The following PLGRKT variants were observed in gnomAD, a reference collection of about 807,000 sequenced individuals.
PLGRKT encodes the protein plasminogen receptor (KT).
PLGRKT carries 22 observed loss-of-function variants against 18.5 expected under a neutral mutation model. That is an observed-to-expected ratio of 1.19 (90% CI 0.85 to 1.70). PLGRKT has a LOEUF of 1.70. Among genes scored for constraint, PLGRKT ranks in the 40% most tolerant of loss-of-function variants. PLGRKT has a pLI of 0.00. For missense variants in PLGRKT, 235 were observed against 174.4 expected (o/e 1.35, Z -1.96); for synonymous variants, 72 against 52.8 (o/e 1.36, Z -1.58).
At chr9:5,370,651 G>C (rs939683027) in intron 3 of PLGRKT, among the ~76,000 whole-genome samples, 4 of 152,112 alleles carry the variant, frequency 2.6e-5, no homozygotes, top group African/African-American at 9.7e-5. Context: ...AGGTCATGTA[G>C]ACCTGTTTTT....
chr9:5,410,845 C>T (rs1399936785), intron 3 of PLGRKT, among the ~76,000 whole-genome samples: 1 of 152,062 alleles, frequency 6.6e-6, no homozygotes, highest in Non-Finnish European at 1.5e-5. Flanking sequence ...AAAATTTTGT[C>T]TCCATTTTTT....
chr9:5,408,888 G>C (rs1033701776), intron 3 of PLGRKT, among the ~76,000 whole-genome samples: 1 of 152,230 alleles, frequency 6.6e-6, no homozygotes, highest in African/African-American at 2.4e-5. Context: ...ATACAGCTCA[G>C]ATACAGATAC....
At chr9:5,388,880 G>A (rs955520470) in intron 3 of PLGRKT, among the ~76,000 whole-genome samples, 1 of 152,008 alleles carries the variant, frequency 6.6e-6, no homozygotes, top group Non-Finnish European at 1.5e-5. Context: ...AACAGCATCT[G>A]GCACATAGCA....
rs752689227 is a variant in PLGRKT, at chr9:5,358,206, C to T, written c.*33G>A. The T allele has an allele frequency of 4.5e-6, 7 of 1,552,692 alleles. No individual in the cohort carries two copies. Among genetic ancestry groups the T allele is most frequent in the South Asian group, 1.2e-5 (1 of 86,602 alleles). On this transcript the variant is annotated 3_prime_UTR_variant, in exon 6 of 6. Transcript: ENST00000223864. Reference sequence around the variant, plus strand: ...AAAACCATGATTCAAGTCAATAATTCTGTGCTTTGAGATTTGATTGGTAAG... The same window carrying T: ...AAAACCATGATTCAAGTCAATAATTTTGTGCTTTGAGATTTGATTGGTAAG...
chr9:5,399,823 C>CCA (rs1189451710), intron 3 of PLGRKT, among the ~76,000 whole-genome samples: 1 of 151,464 alleles, frequency 6.6e-6, no homozygotes, highest in Non-Finnish European at 1.5e-5. Context: ...AACTACGTCG[C>CCA]TACTAAAAAT....
chr9:5,393,844 C>T (rs1476646852), intron 3 of PLGRKT, among the ~76,000 whole-genome samples: 1 of 151,632 alleles, frequency 6.6e-6, no homozygotes, highest in South Asian at 2.1e-4. Flanking sequence ...AATAGATTTC[C>T]GTTTTAAAGA....
chr9:5,408,435 A>G (rs1388715419), intron 3 of PLGRKT, among the ~76,000 whole-genome samples: 2 of 152,174 alleles, frequency 1.3e-5, no homozygotes, highest in Non-Finnish European at 2.9e-5. Context: ...GAGAGTGATG[A>G]TTTACGGTAT....
intron 2 of PLGRKT, among the ~76,000 whole-genome samples, chr9:5,432,749 C>T (rs7038364): frequency 0.022 from 3,398 of 152,280 alleles, 127 homozygotes; most frequent in African/African-American, 0.078. Flanking sequence ...CTGCCCGCCT[C>T]GGCCTCCCGA....
intron 3 of PLGRKT, among the ~76,000 whole-genome samples, chr9:5,394,169 T>C (rs1252665631): frequency 6.6e-6 from 1 of 151,840 alleles, no homozygotes; most frequent in Non-Finnish European, 1.5e-5. Context: ...TGATCTAGAC[T>C]TTTTGATGTT....
chr9:5,391,968 T>C (rs1817957319), intron 3 of PLGRKT, among the ~76,000 whole-genome samples: 3 of 151,914 alleles, frequency 2.0e-5, no homozygotes, highest in Admixed American at 6.5e-5. Context: ...GCTGCAAGGA[T>C]GCACAGAGAG....
intron 3 of PLGRKT, among the ~76,000 whole-genome samples, chr9:5,417,809 A>G (rs550147550): frequency 6.6e-6 from 1 of 152,212 alleles, no homozygotes; most frequent in African/African-American, 2.4e-5. Context: ...TTTTCTCAAA[A>G]AAAAACGACT....
intron 3 of PLGRKT, among the ~76,000 whole-genome samples, chr9:5,388,723 G>A (rs1313879007): frequency 6.6e-6 from 1 of 152,030 alleles, no homozygotes. Context: ...TAGAACTTGT[G>A]ATGAAATGTC....
At chr9:5,371,999 T>TTTTTTTG (rs1408834287) in intron 3 of PLGRKT, among the ~76,000 whole-genome samples, 1 of 142,062 alleles carries the variant, frequency 7.0e-6, no homozygotes, top group Non-Finnish European at 1.5e-5. Context: ...TTTTTTTTTT[T>TTTTTTTG]GATATGGAGT....
At chr9:5,406,712 G>A (rs1422152513) in intron 3 of PLGRKT, among the ~76,000 whole-genome samples, 5 of 152,060 alleles carry the variant, frequency 3.3e-5, no homozygotes, top group African/African-American at 7.2e-5. Context: ...CATGGTACAC[G>A]TTTGCCTATG....
intron 5 of PLGRKT, among the ~76,000 whole-genome samples, chr9:5,359,560 T>C (rs1460371640): frequency 6.6e-6 from 1 of 152,332 alleles, no homozygotes; most frequent in African/African-American, 2.4e-5. Flanking sequence ...TTTCTTCCAG[T>C]TGGTAAATTC....
chr9:5,364,919 G>A lies in PLGRKT; in HGVS notation c.82-3031C>T, dbSNP rs569426924. On this transcript the variant is annotated intron_variant, in intron 3 of 5. Transcript: ENST00000223864. ...ACATCCGTATGAACTCATGCTTAGT[G>A]CTTGATACAGACATAGACAAGGATG... is the stretch of plus-strand genomic sequence containing the variant. Among the ~76,000 whole-genome samples the A allele has an allele frequency of 2.6e-5, 4 of 152,290 alleles. No homozygotes were observed. In the East Asian group the frequency reaches 7.7e-4, roughly 29 times the overall value.
At chr9:5,412,415 G>C (rs1257175392) in intron 3 of PLGRKT, among the ~76,000 whole-genome samples, 2 of 152,186 alleles carry the variant, frequency 1.3e-5, no homozygotes, top group Non-Finnish European at 2.9e-5. Flanking sequence ...CCTCATGAAT[G>C]AATAAATGCT....
In PLGRKT at chr9:5,361,880, C is replaced by T; in HGVS notation, c.90G>A (p.Arg30=). 2 of 1,612,370 alleles carry T rather than the reference C, an allele frequency of 1.2e-6. No homozygotes were observed. The highest frequency in any genetic ancestry group is 1.7e-6 in the Non-Finnish European group (2 of 1,179,348). Residue 30 remains arginine (R), a synonymous_variant, in exon 4 of 6, where the codon AGG becomes AGA. Coordinates refer to ENST00000223864, the MANE Select transcript of PLGRKT (RefSeq NM_018465.4). ...MLMNARLQLE[R]QLIMQSEMRE... is the part of the protein sequence containing the mutation. Reference sequence around the variant, plus strand: ...TCATTTCACTCTGCATGATGAGCTGCCTTTCCAGCTAAGGACAAAACAAAA... The same window carrying T: ...TCATTTCACTCTGCATGATGAGCTGTCTTTCCAGCTAAGGACAAAACAAAA...
At chr9:5,413,808 C>T (rs1818409089) in intron 3 of PLGRKT, among the ~76,000 whole-genome samples, 1 of 152,144 alleles carries the variant, frequency 6.6e-6, no homozygotes, top group South Asian at 2.1e-4. Flanking sequence ...GTACATACAT[C>T]ATTTGAATAA....
Sources: allele counts gnomAD v4.1 joint callset (sites outside exome capture counted in the v4.1 genomes callset), GRCh38; gene constraint gnomAD v4.1.1; transcripts MANE v1.5; gene names NCBI Gene and HGNC (gene_info 2026-07-23, HGNC 2026-07-21).